Variants in THG1L observed in about 807,000 individuals in gnomAD.
THG1L encodes probable tRNA(His) guanylyltransferase.
THG1L carries 27 observed loss-of-function variants against 35.2 expected under a neutral mutation model. That is an observed-to-expected ratio of 0.77 (90% CI 0.57 to 1.06). The LOEUF is 1.06. THG1L is among the 50% of genes least tolerant of loss of function. The pLI, the probability that THG1L is intolerant of heterozygous loss-of-function variation, is 0.00. For synonymous variants in THG1L, 135 were observed against 132.4 expected, an observed-to-expected ratio of 1.02 and a Z score of -0.14; for missense variants, 377 against 371.8, an observed-to-expected ratio of 1.01 and a Z score of -0.12.
At chr5:157,734,259 G>A (rs530996017) in intron 2 of THG1L, among the ~76,000 whole-genome samples, 7 of 152,014 alleles carry the variant, frequency 4.6e-5, no homozygotes, top group South Asian at 2.1e-4. Context: ...GTAGTGGCCT[G>A]CACCTGTAAT....
intron 3 of THG1L, 67 bp from the exon 4 acceptor site, chr5:157,735,779 C>A: frequency 8.9e-7 from 1 of 1,123,788 alleles, no homozygotes; most frequent in South Asian, 1.4e-5. Context: ...CTCTAGTATT[C>A]CTTGAAGAAT....
chr5:157,739,265 T>C (rs1364671851), intron 5 of THG1L, 56 bp from the exon 6 acceptor site: 3 of 1,564,036 alleles, frequency 1.9e-6, no homozygotes, highest in African/African-American at 2.7e-5. Context: ...ATCTTTCCTT[T>C]CTCTCCCAAA....
chr5:157,732,215 CAAAAAAAAAAAA>C (rs34744387), intron 1 of THG1L, among the ~76,000 whole-genome samples: 38 of 53,900 alleles, frequency 7.1e-4, no homozygotes, highest in Admixed American at 3.5e-3. Flanking sequence ...TCCGCCACTA[CAAAAAAAAAAAA>C]AAAAAAAAAA....
At chr5:157,738,908 TC>T (rs1398981677) in intron 5 of THG1L, among the ~76,000 whole-genome samples, 1 of 144,490 alleles carries the variant, frequency 6.9e-6, no homozygotes, top group Non-Finnish European at 1.5e-5. Flanking sequence ...CACTGCAACC[TC>T]CCCGTCCTGG....
In THG1L at chr5:157,733,556, C is replaced by T. The variant is rs1184707106; in HGVS notation, c.368+512C>T. Among the ~76,000 whole-genome samples the T allele has an allele frequency of 2.6e-5, 4 of 151,870 alleles. No homozygotes were observed. In the South Asian group the frequency reaches 6.3e-4, roughly 24 times the overall value. ...GTGTTGCCCAGGCTGGTCTCAAACT[C>T]CTGGCCTCAAGCAGTTCTCCTGTCT... On this transcript the variant is annotated intron_variant, in intron 2 of 5. Transcript: ENST00000231198.
intron 5 of THG1L, among the ~76,000 whole-genome samples, 174 bp downstream of exon 5, chr5:157,738,168 G>T (rs1760932765): frequency 6.6e-6 from 1 of 152,174 alleles, no homozygotes; most frequent in African/African-American, 2.4e-5. Context: ...TTTGTCAGTA[G>T]TGGTCCGAAA....
At chr5:157,732,215 C>CAAAAAAAAAAAAA (rs34744387) in intron 1 of THG1L, among the ~76,000 whole-genome samples, 15 of 53,898 alleles carry the variant, frequency 2.8e-4, no homozygotes, top group African/African-American at 4.6e-4. Flanking sequence ...TCCGCCACTA[C>CAAAAAAAAAAAAA]AAAAAAAAAA....
At chr5:157,735,378 C>T (rs966701419) in intron 3 of THG1L, among the ~76,000 whole-genome samples, 8 of 152,168 alleles carry the variant, frequency 5.3e-5, no homozygotes, top group African/African-American at 1.9e-4. Context: ...ATAGTCTCTG[C>T]CATTCCCTGT....
At position 157,740,621 on chromosome 5, in the gene THG1L, G is replaced by C. The variant is rs1343679871; in HGVS notation, c.*1139G>C. On this transcript the variant is annotated 3_prime_UTR_variant, in exon 6 of 6. Coordinates refer to ENST00000231198, the MANE Select transcript of THG1L (RefSeq NM_017872.5). ...ATTTGGCCCCATTAAGAATTAAGAG[G>C]CTGGGTGCGGTGGCTCACGTCTGTA... is the stretch of plus-strand genomic sequence containing the variant. The C allele has an allele frequency of 6.6e-6, 1 of 152,270 alleles. No individual in the cohort carries two copies. The highest frequency in any genetic ancestry group is 2.4e-5 in the African/African-American group (1 of 41,444). The allele number at this position is 152,270 out of a possible 1,614,324, so 9.4% of individuals were successfully genotyped here. A position where few individuals can be genotyped will look rare whatever the true frequency, so the allele number is the denominator to read the frequency against.
In THG1L at chr5:157,731,650, G is replaced by A. The variant is rs747742126; in HGVS notation, c.191+19G>A. The stretch of plus-strand genomic sequence containing the variant: ...TCCATCGGTGAGCGAGCTCGACTCG[G>A]GGCGTCGCGATGCGCCAGCGCTTCC... On this transcript the variant is annotated intron_variant, in intron 1 of 5. Coordinates refer to ENST00000231198, the MANE Select transcript of THG1L (RefSeq NM_017872.5). 1 of 1,578,852 alleles carries A rather than the reference G, an allele frequency of 6.3e-7. No homozygotes were observed. Among genetic ancestry groups the A allele is most frequent in the Non-Finnish European group, 8.6e-7 (1 of 1,159,840 alleles).
At chr5:157,736,124 T>G (rs1264435546) in intron 4 of THG1L, among the ~76,000 whole-genome samples, 190 bp downstream of exon 4, 2 of 152,254 alleles carry the variant, frequency 1.3e-5, no homozygotes, top group Admixed American at 6.5e-5. Flanking sequence ...GATGAATTAC[T>G]GCTTCTCCCT....
rs532627483 is a variant in THG1L at position 157,735,846 on chromosome 5, G to T, written c.539G>T (p.Cys180Phe). The change falls in exon 4 of 6, where the codon TGT becomes TTT. Residue 180 changes from cysteine to phenylalanine, a missense_variant and splice_region_variant. Coordinates refer to ENST00000231198, the MANE Select transcript of THG1L (RefSeq NM_017872.5). ...KDYLSWRQAD[C>F]HINNLYNTVF... ...CATTACTATTTTGTTCTCCTCACAG[G>T]TCACATCAATAATCTTTATAATACA... The T allele has an allele frequency of 2.5e-6, 4 of 1,589,650 alleles. No individual in the cohort carries two copies. The highest frequency in any genetic ancestry group is 1.7e-4 in the Middle Eastern group (1 of 6,008).
At position 157,739,425 on chromosome 5, in the gene THG1L, T is replaced by A. The variant is rs1581444170; in HGVS notation, c.840T>A (p.Asp280Glu). 6.2e-7 allele frequency: 1 copy of A among 1,613,810 alleles called. No individual in the cohort carries two copies. Among genetic ancestry groups the A allele is most frequent in the Non-Finnish European group, 8.5e-7 (1 of 1,179,830 alleles). ...CAAAGCCAGTGCCCTTGCACTGCGA[T>A]ATCATCGGGGATGCTTTCTGGAAGG... ...TRTKPVPLHC[D>E]IIGDAFWKEH... The change falls in exon 6 of 6, where the codon GAT (aspartate) becomes GAA (glutamate). Residue 280 changes from aspartate to glutamate, a missense_variant. Transcript: ENST00000231198.
rs534877911 is a variant in THG1L, at chr5:157,734,654, C to T, written c.447C>T (p.Pro149=). The T allele has an allele frequency of 1.9e-6, 3 of 1,614,066 alleles. No individual in the cohort carries two copies. Among genetic ancestry groups the T allele is most frequent in the African/African-American group, 1.3e-5 (1 of 75,030 alleles). ...GGCGGGATTACTTTGAGGACCAGCC[C>T]CTTCTGTATCCCCCAGGCTTTGACG... ...FYWRDYFEDQ[P]LLYPPGFDGR... Residue 149 remains proline, a synonymous_variant, in exon 3 of 6, where the codon CCC becomes CCT. Transcript: ENST00000231198.
chr5:157,731,645 A>C lies in THG1L; in HGVS notation c.191+14A>C, dbSNP rs747514541. On this transcript the variant is annotated intron_variant, in intron 1 of 5. Transcript: ENST00000231198. ...GAATTTCCATCGGTGAGCGAGCTCG[A>C]CTCGGGGCGTCGCGATGCGCCAGCG... The C allele has an allele frequency of 1.7e-5, 27 of 1,577,636 alleles. No individual in the cohort carries two copies. Among genetic ancestry groups the C allele is most frequent in the Non-Finnish European group, 2.2e-5 (26 of 1,158,852 alleles).
chr5:157,735,895 A>G lies in THG1L; in HGVS notation c.588A>G (p.Gln196=). The G allele has an allele frequency of 6.2e-7, 1 of 1,607,492 alleles. No homozygotes were observed. Residue 196 remains glutamine (Q), a synonymous_variant, in exon 4 of 6, where the codon CAA becomes CAG. Coordinates refer to ENST00000231198, the MANE Select transcript of THG1L (RefSeq NM_017872.5). The part of the protein sequence containing the change: ...YNTVFWALIQ[Q]SGLTPVQAQG... ...CAGTTTTCTGGGCACTTATACAACA[A>G]TCTGGACTAACACCAGTACAAGCCC...
rs761530813 is a variant in THG1L at position 157,741,337 on chromosome 5, C to T, written c.*1855C>T. 3.3e-5 allele frequency: 5 copies of T among 152,146 alleles called. No individual in the cohort carries two copies. The highest frequency in any genetic ancestry group is 4.8e-5 in the African/African-American group (2 of 41,438). The allele number at this position is 152,146 out of a possible 1,614,324, so 9.4% of individuals were successfully genotyped here. ...CCTCACTAATTGACAACCCATCTGT[C>T]GATGCCATTTTTTCCCTTCCTGTTC... On this transcript the variant is annotated 3_prime_UTR_variant, in exon 6 of 6. Coordinates refer to ENST00000231198, the MANE Select transcript of THG1L (RefSeq NM_017872.5).
chr5:157,732,829 G>C (rs1326150785), intron 1 of THG1L, 39 bp from the exon 2 acceptor site: 2 of 1,611,826 alleles, frequency 1.2e-6, no homozygotes, highest in Middle Eastern at 1.7e-4. Flanking sequence ...TTAATGACAG[G>C]CTTCCATCCA....
At chr5:157,736,257 T>A (rs1260521619) in intron 4 of THG1L, among the ~76,000 whole-genome samples, 1 of 151,820 alleles carries the variant, frequency 6.6e-6, no homozygotes, top group Non-Finnish European at 1.5e-5. Flanking sequence ...CTGACTTTTT[T>A]TTTTTTTTTT....
Sources: allele counts gnomAD v4.1 joint callset (sites outside exome capture counted in the v4.1 genomes callset), GRCh38; gene constraint gnomAD v4.1.1; transcripts MANE v1.5; gene names NCBI Gene and HGNC (gene_info 2026-07-23, HGNC 2026-07-21).